Variants in AGAP1 observed in about 807,000 individuals in gnomAD.
AGAP1 encodes the protein arf-GAP with GTPase, ANK repeat and PH domain-containing protein 1.
AGAP1 carries 29 observed loss-of-function variants against 105.3 expected under a neutral mutation model. The observed-to-expected ratio is 0.28, with a 90% CI of 0.21 to 0.38. The LOEUF (loss-of-function observed/expected upper bound fraction) is 0.38, where lower values mean the gene tolerates loss of function less well. Among genes scored for constraint, AGAP1 ranks in the 10% least tolerant of loss-of-function variants. AGAP1 has a pLI of 1.00. For missense variants in AGAP1, 998 were observed against 1,165.1 expected (o/e 0.86, Z 2.09); for synonymous variants, 509 against 485.9 (o/e 1.05, Z -0.63).
chr2:235,513,170 C>A (rs938677), intron 1 of AGAP1, among the ~76,000 whole-genome samples: 5,914 of 152,190 alleles, frequency 0.039, 407 homozygotes, highest in African/African-American at 0.13. Context: ...GTGTCTCAGA[C>A]TTTAGCCTGC....
intron 12 of AGAP1, among the ~76,000 whole-genome samples, chr2:235,950,445 A>T (rs1234633737): frequency 6.6e-6 from 1 of 151,764 alleles, no homozygotes; most frequent in Non-Finnish European, 1.5e-5. Context: ...AACCTGCAGG[A>T]GTTGCAGGAG....
intron 9 of AGAP1, among the ~76,000 whole-genome samples, chr2:235,815,632 A>G (rs1958408813): frequency 6.6e-6 from 1 of 152,150 alleles, no homozygotes; most frequent in Non-Finnish European, 1.5e-5. Context: ...CTTCCTGGTC[A>G]TATAAGGTAA....
intron 16 of AGAP1, among the ~76,000 whole-genome samples, chr2:236,077,126 GAAAAAA>G (rs200778447): frequency 0.014 from 1,667 of 117,498 alleles, 13 homozygotes; most frequent in African/African-American, 0.02. Flanking sequence ...AAAAAGAGTA[GAAAAAA>G]AAAAAAAAAA....
At chr2:235,503,232 C>G (rs1302161185) in intron 1 of AGAP1, among the ~76,000 whole-genome samples, 2 of 152,202 alleles carry the variant, frequency 1.3e-5, no homozygotes, top group African/African-American at 4.8e-5. Flanking sequence ...GAATTTCCAT[C>G]CTGTTTGTGC....
chr2:236,084,097 C>A (rs556486509), intron 16 of AGAP1, among the ~76,000 whole-genome samples: 1 of 152,164 alleles, frequency 6.6e-6, no homozygotes, highest in African/African-American at 2.4e-5. Flanking sequence ...GCAGGAAGCA[C>A]CCCTGTCATA....
intron 9 of AGAP1, among the ~76,000 whole-genome samples, chr2:235,858,699 G>A (rs4663621): frequency 0.95 from 145,114 of 152,296 alleles, 69,197 homozygotes; most frequent in East Asian, 1. Context: ...TAATGTATCC[G>A]TCTACCATGA....
chr2:236,076,351 G>A lies in AGAP1; in HGVS notation c.2114+27070G>A, dbSNP rs547491342. ...TAATCCCAGCTACTTGGGAGGCTGA[G>A]GCAGAATTGCTTGAACCCTGGAGGC... On this transcript the variant is annotated intron_variant, in intron 16 of 17. Transcript: ENST00000304032. The surrounding 1 kb of genome is among the most constrained non-coding windows in gnomAD (Gnocchi z 4.4). Among the ~76,000 whole-genome samples, 1 of 152,214 alleles carries A rather than the reference G, an allele frequency of 6.6e-6. No homozygotes were observed. Among genetic ancestry groups the A allele is most frequent in the Admixed American group, 6.5e-5 (1 of 15,282 alleles).
rs985022431 is a variant in AGAP1 at position 235,981,713 on chromosome 2, G to T, written c.1645+13090G>T. 3.9e-5 allele frequency among the ~76,000 whole-genome samples: 6 copies of T among 152,108 alleles called. No homozygotes were observed. The highest frequency in any genetic ancestry group is 1.4e-4 in the African/African-American group (6 of 41,424). Reference sequence around the variant, plus strand: ...CACAAGAACCTGGGAGGTGGGTGCCGTTATCCGCATTTTTATAACTGAGGA... The same window carrying T: ...CACAAGAACCTGGGAGGTGGGTGCCTTTATCCGCATTTTTATAACTGAGGA... On this transcript the variant is annotated intron_variant, in intron 13 of 17. Transcript: ENST00000304032. This position sits in a 1 kb window ranked among gnomAD's most constrained non-coding sequence, Gnocchi z 5.5.
At position 236,130,722 on chromosome 2, in the gene AGAP1, C is replaced by G. The variant is rs1350216706; in HGVS notation, c.*6600C>G. 6.6e-6 allele frequency: 1 copy of G among 152,492 alleles called. No individual in the cohort carries two copies. Among genetic ancestry groups the G allele is most frequent in the East Asian group, 1.9e-4 (1 of 5,198 alleles). The allele number at this position is 152,492 out of a possible 1,614,324, so 9.4% of individuals were successfully genotyped here. A position where few individuals can be genotyped will look rare whatever the true frequency, so the allele number is the denominator to read the frequency against. On this transcript the variant is annotated 3_prime_UTR_variant, in exon 18 of 18. Transcript: ENST00000304032. The surrounding 1 kb of genome is among the most constrained non-coding windows in gnomAD (Gnocchi z 5.8). ...CACTGGAAGCAGCCCAGCCCCCTGC[C>G]CAATACCACAGCCCTGGGGTGTCCC...
intron 1 of AGAP1, among the ~76,000 whole-genome samples, chr2:235,584,973 C>T (rs1023296207): frequency 6.7e-6 from 1 of 148,930 alleles, no homozygotes; most frequent in Non-Finnish European, 1.5e-5. Context: ...CACCCCCCTA[C>T]CCACTTAGGT....
chr2:235,574,640 A>G lies in AGAP1; in HGVS notation c.163+79791A>G, dbSNP rs62189172. On this transcript the variant is annotated intron_variant, in intron 1 of 17. Transcript: ENST00000304032. The surrounding 1 kb of genome is among the most constrained non-coding windows in gnomAD (Gnocchi z 5.0). ...TAGGTCCTTTTTGGTTCTGTGCGACAGTTAATGAATAGTCATGTGCATTTG... is the reference window on the plus strand; with the variant it reads ...TAGGTCCTTTTTGGTTCTGTGCGACGGTTAATGAATAGTCATGTGCATTTG... Among the ~76,000 whole-genome samples the G allele has an allele frequency of 0.087, 13,192 of 152,304 alleles. 804 individuals are homozygous for G. Among genetic ancestry groups the G allele is most frequent in the Non-Finnish European group, 0.13 (9,040 of 68,014 alleles).
chr2:235,688,184 G>A (rs1241602626), intron 1 of AGAP1, among the ~76,000 whole-genome samples: 1 of 152,168 alleles, frequency 6.6e-6, no homozygotes, highest in Non-Finnish European at 1.5e-5. Flanking sequence ...GGGATTACAG[G>A]CGTGAGCCAC....
intron 16 of AGAP1, among the ~76,000 whole-genome samples, chr2:236,060,879 T>C (rs557812127): frequency 6.6e-6 from 1 of 151,950 alleles, no homozygotes; most frequent in East Asian, 1.9e-4. Context: ...CTGATCAACA[T>C]AGTGAGACCC....
At chr2:235,514,537 G>A (rs1407428765) in intron 1 of AGAP1, among the ~76,000 whole-genome samples, 2 of 152,242 alleles carry the variant, frequency 1.3e-5, no homozygotes, top group Admixed American at 6.5e-5. Flanking sequence ...TCCTCTGTCT[G>A]GGGCCCTGCC....
chr2:235,670,933 C>T (rs902704385), intron 1 of AGAP1: 38 of 1,322,698 alleles, frequency 2.9e-5, no homozygotes, highest in Non-Finnish European at 3.3e-5. Flanking sequence ...GGGACGGGGG[C>T]CCGGGCGGCG....
Position 235,752,120 on chromosome 2 carries a change from C to T in AGAP1, c.673+1632C>T, listed in dbSNP as rs528986266. ...CCCTGTGAATGTTGAAGTAAAGCGT[C>T]GTAGATGAAGGGTCCCCAGGCCCGT... On this transcript the variant is annotated intron_variant, in intron 6 of 17. Transcript: ENST00000304032. This position sits in a 1 kb window ranked among gnomAD's most constrained non-coding sequence, Gnocchi z 4.3. Among the ~76,000 whole-genome samples, 1 of 152,326 alleles carries T rather than the reference C, an allele frequency of 6.6e-6. No individual in the cohort carries two copies. The highest frequency in any genetic ancestry group is 1.9e-4 in the East Asian group (1 of 5,190).
chr2:235,835,020 C>T (rs929449470), intron 9 of AGAP1, among the ~76,000 whole-genome samples: 9 of 152,210 alleles, frequency 5.9e-5, no homozygotes, highest in African/African-American at 1.9e-4. Flanking sequence ...CAGGGAGTCT[C>T]GCTTAAAGTC....
At position 235,864,320 on chromosome 2, in the gene AGAP1, G is replaced by A. The variant is rs1177372089; in HGVS notation, c.1051-19025G>A. ...AAGGGGTTCGGCTCACTCTGTGGCC[G>A]GCCTGGAGGCCTGGGTGTGCTTCCT... On this transcript the variant is annotated intron_variant, in intron 9 of 17. Transcript: ENST00000304032. This position sits in a 1 kb window ranked among gnomAD's most constrained non-coding sequence, Gnocchi z 5.0. Among the ~76,000 whole-genome samples the A allele has an allele frequency of 3.9e-5, 6 of 152,186 alleles. No individual in the cohort carries two copies. The highest frequency in any genetic ancestry group is 7.3e-5 in the Non-Finnish European group (5 of 68,036).
chr2:235,938,022 C>T (rs2053074182), intron 12 of AGAP1, among the ~76,000 whole-genome samples: 1 of 152,272 alleles, frequency 6.6e-6, no homozygotes, highest in Non-Finnish European at 1.5e-5. Flanking sequence ...AAGAGGGTCA[C>T]TGCAGCCAAC....
Sources: allele counts gnomAD v4.1 joint callset (sites outside exome capture counted in the v4.1 genomes callset), GRCh38; gene constraint gnomAD v4.1.1; non-coding constraint Gnocchi (gnomAD v3.1); transcripts MANE v1.5; gene names NCBI Gene and HGNC (gene_info 2026-07-23, HGNC 2026-07-21).